The following CHODL variants were observed in gnomAD, a reference collection of about 807,000 sequenced individuals.
CHODL encodes the protein transmembrane protein MT75.
Under a neutral mutation model 34.5 loss-of-function variants are expected in CHODL, and 29 were observed. The observed-to-expected ratio is 0.84, with a 90% CI of 0.63 to 1.15. The LOEUF (loss-of-function observed/expected upper bound fraction) is 1.15, where lower values mean the gene tolerates loss of function less well. Ranked by LOEUF, CHODL falls within the 50% of genes most tolerant of loss-of-function variation. The pLI is 0.00. For synonymous variants in CHODL, 125 were observed against 116.1 expected (o/e 1.08, Z -0.49); for missense variants, 332 against 332.5 (o/e 1.00, Z 0.01).
chr21:18,109,210 C>A (rs2065316899), intron 2 of CHODL, among the ~76,000 whole-genome samples: 2 of 152,070 alleles, frequency 1.3e-5, no homozygotes, highest in Non-Finnish European at 2.9e-5. Flanking sequence ...TCATCTCAAT[C>A]TCCTTAATAT....
intron 2 of CHODL, among the ~76,000 whole-genome samples, chr21:18,171,575 G>C (rs1188188149): frequency 6.6e-6 from 1 of 151,980 alleles, no homozygotes; most frequent in Admixed American, 6.6e-5. Context: ...TCAGTGTTTG[G>C]ATATCATTAG....
intron 1 of CHODL, chr21:18,024,751 C>A (rs974957731): frequency 1.3e-5 from 2 of 152,110 alleles, no homozygotes; most frequent in Non-Finnish European, 1.5e-5. Context: ...TATCATCCTC[C>A]TAGAAAAGTC....
chr21:18,085,701 G>T (rs2064997611), intron 2 of CHODL, among the ~76,000 whole-genome samples: 1 of 152,070 alleles, frequency 6.6e-6, no homozygotes, highest in Admixed American at 6.5e-5. Flanking sequence ...TAGCCTGGAG[G>T]TTTTCTGCTA....
chr21:18,197,197 A>G (rs1452143652), intron 2 of CHODL, among the ~76,000 whole-genome samples: 2 of 152,352 alleles, frequency 1.3e-5, no homozygotes, highest in East Asian at 3.9e-4. Context: ...ATACTGAAGT[A>G]AATATAAATT....
chr21:18,175,649 A>G (rs1316079611), intron 2 of CHODL, among the ~76,000 whole-genome samples: 3 of 152,192 alleles, frequency 2.0e-5, no homozygotes, highest in Non-Finnish European at 4.4e-5. Flanking sequence ...TAATCAGATA[A>G]AGGAGACAGA....
rs140596836 is a variant in CHODL at position 18,010,470 on chromosome 21, G to A, written c.-144-17402G>A. ...CAAATTATCACAGCAACTTACTTGC[G>A]GCTTTATCTGTGTCCCATGTTTAAA... On this transcript the variant is annotated intron_variant, in intron 1 of 6. Coordinates refer to the CHODL transcript ENST00000400127. 7.2e-5 allele frequency among the ~76,000 whole-genome samples: 11 copies of A among 152,108 alleles called. No homozygotes were observed. In the East Asian group the frequency reaches 7.7e-4, roughly 11 times the overall value.
chr21:18,078,648 A>T (rs938576471), intron 2 of CHODL, among the ~76,000 whole-genome samples: 2 of 152,162 alleles, frequency 1.3e-5, no homozygotes, highest in Non-Finnish European at 2.9e-5. Flanking sequence ...TATGGCTATG[A>T]GTTTCTCAAA....
At chr21:17,961,116 G>T (rs1600835168) in intron 1 of CHODL, among the ~76,000 whole-genome samples, 3 of 152,126 alleles carry the variant, frequency 2.0e-5, no homozygotes, top group African/African-American at 7.2e-5. Flanking sequence ...TTCTATAAAT[G>T]CTTACTGACT....
At chr21:18,007,008 A>G (rs1344223028) in intron 1 of CHODL, among the ~76,000 whole-genome samples, 1 of 152,248 alleles carries the variant, frequency 6.6e-6, no homozygotes, top group Non-Finnish European at 1.5e-5. Context: ...GTTCAGTTGC[A>G]TCATTAAACG....
intron 2 of CHODL, among the ~76,000 whole-genome samples, chr21:18,093,660 T>C (rs2065101857): frequency 6.6e-6 from 1 of 152,160 alleles, no homozygotes; most frequent in South Asian, 2.1e-4. Flanking sequence ...TAAGTTGTCA[T>C]CAGTTTAAAA....
At chr21:17,995,160 G>T (rs73890880) in intron 1 of CHODL, among the ~76,000 whole-genome samples, 1 of 152,116 alleles carries the variant, frequency 6.6e-6, no homozygotes, top group Non-Finnish European at 1.5e-5. Flanking sequence ...CTGTTGGGAC[G>T]CAGGGCAGGA....
rs77461357 is a variant in CHODL at position 18,108,265 on chromosome 21, A to G, written c.-45+80294A>G. Among the ~76,000 whole-genome samples the G allele has an allele frequency of 6.4e-3, 975 of 152,238 alleles. 8 individuals carry two copies. Among genetic ancestry groups the G allele is most frequent in the South Asian group, 0.022 (108 of 4,814 alleles). On this transcript the variant is annotated intron_variant, in intron 2 of 6. Transcript: ENST00000400127. Reference sequence around the variant, plus strand: ...TTAGGATATGGTCCTTTAAATGCATAATATGCTCTGAACCAGCAACCAATT... The same window carrying G: ...TTAGGATATGGTCCTTTAAATGCATGATATGCTCTGAACCAGCAACCAATT...
chr21:18,185,207 G>A (rs1442252443), intron 2 of CHODL, among the ~76,000 whole-genome samples: 1 of 152,008 alleles, frequency 6.6e-6, no homozygotes, highest in African/African-American at 2.4e-5. Context: ...AGTGTGTGAT[G>A]TTCCCCTCCC....
chr21:18,179,811 T>A (rs777730828), intron 2 of CHODL, among the ~76,000 whole-genome samples: 5 of 152,246 alleles, frequency 3.3e-5, no homozygotes, highest in African/African-American at 4.8e-5. Context: ...TCAACGTACC[T>A]GTCTTAACAC....
intron 1 of CHODL, among the ~76,000 whole-genome samples, chr21:18,247,517 G>T (rs1315142715): frequency 6.6e-6 from 1 of 151,908 alleles, no homozygotes. Context: ...CTAAAGTTTA[G>T]AGCATTACCT....
chr21:18,028,393 G>A (rs1347027657), intron 2 of CHODL, among the ~76,000 whole-genome samples: 1 of 148,728 alleles, frequency 6.7e-6, no homozygotes, highest in Non-Finnish European at 1.5e-5. Context: ...AGTTTCATAA[G>A]ATCAAGAACT....
chr21:18,097,310 T>C (rs1600998790), intron 2 of CHODL, among the ~76,000 whole-genome samples: 2 of 152,246 alleles, frequency 1.3e-5, no homozygotes, highest in African/African-American at 2.4e-5. Context: ...TATAATCTTA[T>C]ATTTGGAAAA....
chr21:18,086,041 C>CTTTTTTTTTTTTTT (rs3984977), intron 2 of CHODL, among the ~76,000 whole-genome samples: 19 of 38,730 alleles, frequency 4.9e-4, no homozygotes, highest in Non-Finnish European at 6.9e-4. Context: ...AGACTTTGTT[C>CTTTTTTTTTTTTTT]TTTTTTTTTT....
chr21:17,938,427 T>C (rs2063333842), intron 1 of CHODL, among the ~76,000 whole-genome samples: 1 of 148,468 alleles, frequency 6.7e-6, no homozygotes, highest in Non-Finnish European at 1.5e-5. Context: ...GCTTATGAAC[T>C]CCGATTTTAA....
Sources: allele counts gnomAD v4.1 joint callset (sites outside exome capture counted in the v4.1 genomes callset), GRCh38; gene constraint gnomAD v4.1.1; transcripts MANE v1.5; gene names NCBI Gene and HGNC (gene_info 2026-07-23, HGNC 2026-07-21).